The following ANKHD1 variants were observed in gnomAD, a reference collection of about 807,000 sequenced individuals.
ANKHD1 encodes ankyrin repeat and KH domain-containing protein 1.
ANKHD1 carries 31 observed loss-of-function variants against 230.5 expected under a neutral mutation model. The observed-to-expected ratio is 0.13, with a 90% CI of 0.10 to 0.18. The LOEUF is 0.18. ANKHD1 is among the 10% of genes least tolerant of loss of function. The probability of loss-of-function intolerance (pLI) is 1.00; values close to 1 mark genes in which losing one functional copy is unlikely to be tolerated. For synonymous variants in ANKHD1, 1,074 were observed against 1,117.6 expected (o/e 0.96, Z 0.78); for missense variants, 2,256 against 3,071.3 (o/e 0.73, Z 6.27).
Position 140,436,213 on chromosome 5 carries a change from A to T in ANKHD1, c.416A>T (p.Asp139Val). The stretch of plus-strand genomic sequence containing the variant: ...GAAGGAGCAGACTTACGCACTGTGG[A>T]TCCAGAGACACAGGCACGACTAGAA... ...TAEGADLRTVDPETQARLEAL... is the reference protein window; with the variant it reads ...TAEGADLRTVVPETQARLEAL... Residue 139 changes from aspartate (D) to valine (V), a missense_variant, in exon 2 of 34, where the codon GAT becomes GTT. Asp to Val is a radical substitution (Grantham distance 152). Around this residue, in one of 13 missense-constraint regions of ANKHD1, gnomAD observed 206 missense variants for 304.5 expected, o/e 0.68. Coordinates refer to ENST00000360839, the MANE Select transcript of ANKHD1 (RefSeq NM_017747.3). 1 of 1,600,942 alleles carries T rather than the reference A, an allele frequency of 6.2e-7. No homozygotes were observed. The highest frequency in any genetic ancestry group is 8.5e-7 in the Non-Finnish European group (1 of 1,174,812).
chr5:140,443,097 G>C (rs1773989926), intron 5 of ANKHD1, among the ~76,000 whole-genome samples: 1 of 151,646 alleles, frequency 6.6e-6, no homozygotes. Context: ...AGTAGAGACG[G>C]GGTTTCACCG....
At chr5:140,497,756 A>G (rs867886304) in intron 15 of ANKHD1, among the ~76,000 whole-genome samples, 2 of 152,198 alleles carry the variant, frequency 1.3e-5, no homozygotes, top group African/African-American at 4.8e-5. Context: ...AAAACTAAGT[A>G]TTCCATATTA....
rs61689238 is a variant in ANKHD1 at position 140,526,585 on chromosome 5, T to C, written c.4940+142T>C. On this transcript the variant is annotated intron_variant, in intron 26 of 33. Transcript: ENST00000360839. ...ATTATCTATCTTCAATATTCAAAAC[T>C]GAAATTCACCCATGTCCTCTTTATC... The C allele has an allele frequency of 5.8e-3, 6,753 of 1,167,204 alleles. 312 individuals carry two copies. The African/African-American group carries it at 0.094, about 16-fold the overall frequency. 72.3% of individuals were successfully genotyped at this position (1,167,204 alleles called of 1,614,324 possible). A position where few individuals can be genotyped will look rare whatever the true frequency, so the allele number is the denominator to read the frequency against.
intron 10 of ANKHD1, among the ~76,000 whole-genome samples, chr5:140,480,564 A>G (rs1751230012): frequency 6.6e-6 from 1 of 152,110 alleles, no homozygotes; most frequent in Admixed American, 6.5e-5. Flanking sequence ...AAGTAAGGAT[A>G]AGTGACATTA....
chr5:140,412,145 T>A (rs1471105369), intron 1 of ANKHD1, among the ~76,000 whole-genome samples: 1 of 152,174 alleles, frequency 6.6e-6, no homozygotes, highest in Non-Finnish European at 1.5e-5. Flanking sequence ...CAGGCAATTC[T>A]CCTGCCTTAG....
At chr5:140,483,467 T>C (rs1214750771) in intron 11 of ANKHD1, among the ~76,000 whole-genome samples, 1 of 149,442 alleles carries the variant, frequency 6.7e-6, no homozygotes, top group Non-Finnish European at 1.5e-5. Flanking sequence ...TTTTTTTTTT[T>C]TTTTTTTGAG....
chr5:140,420,578 G>T (rs1018844280), intron 1 of ANKHD1, among the ~76,000 whole-genome samples: 1 of 152,082 alleles, frequency 6.6e-6, no homozygotes, highest in African/African-American at 2.4e-5. Context: ...AGCATAATTT[G>T]TTGAAAAGAC....
At chr5:140,441,233 T>C (rs1773824346) in intron 5 of ANKHD1, 91 bp downstream of exon 5, 1 of 1,383,404 alleles carries the variant, frequency 7.2e-7, no homozygotes, top group African/African-American at 1.5e-5. Flanking sequence ...GGAAAACCAG[T>C]ATAAACCTAC....
chr5:140,459,272 A>T lies in ANKHD1; in HGVS notation c.1589A>T (p.Asp530Val). ...GACTTTCTTATTAAGGCAGGGGCTG[A>T]TATAGAACTTGGCTGCTCCACACCT... ...VADFLIKAGA[D>V]IELGCSTPLM... Residue 530 changes from aspartate to valine, a missense_variant, in exon 9 of 34, where the codon GAT becomes GTT. Asp to Val is a radical substitution (Grantham distance 152). This residue lies in a region of ANKHD1 where 179 missense variants were observed against 261.8 expected (regional missense o/e 0.68). Coordinates refer to ENST00000360839, the MANE Select transcript of ANKHD1 (RefSeq NM_017747.3). The T allele has an allele frequency of 6.2e-7, 1 of 1,603,692 alleles. No individual in the cohort carries two copies. The highest frequency in any genetic ancestry group is 8.5e-7 in the Non-Finnish European group (1 of 1,172,676).
intron 26 of ANKHD1, 76 bp from the exon 27 acceptor site, chr5:140,526,852 G>C: frequency 1.3e-6 from 2 of 1,483,998 alleles, no homozygotes. Flanking sequence ...CGTAACTCTG[G>C]CTATAAAGGA....
chr5:140,455,055 A>G (rs1482808639), intron 7 of ANKHD1, among the ~76,000 whole-genome samples: 1 of 152,216 alleles, frequency 6.6e-6, no homozygotes, highest in African/African-American at 2.4e-5. Flanking sequence ...CCACAGAAAT[A>G]CAAACTACCA....
At chr5:140,501,280 A>G (rs921817521) in intron 15 of ANKHD1, among the ~76,000 whole-genome samples, 1 of 151,010 alleles carries the variant, frequency 6.6e-6, no homozygotes, top group Admixed American at 6.6e-5. Context: ...GGGTTTCACT[A>G]TGTTGGCCAG....
At chr5:140,453,832 C>A (rs1356706187) in intron 7 of ANKHD1, among the ~76,000 whole-genome samples, 1 of 152,146 alleles carries the variant, frequency 6.6e-6, no homozygotes, top group East Asian at 1.9e-4. Context: ...CAGCTAACGT[C>A]AAAATGACAG....
chr5:140,493,256 G>A (rs1751886726), intron 14 of ANKHD1, among the ~76,000 whole-genome samples: 1 of 152,090 alleles, frequency 6.6e-6, no homozygotes, highest in African/African-American at 2.4e-5. Flanking sequence ...GAAGAGACGG[G>A]GTTTCTCCAT....
intron 1 of ANKHD1, among the ~76,000 whole-genome samples, chr5:140,416,532 T>C (rs1771408842): frequency 6.6e-6 from 1 of 152,244 alleles, no homozygotes; most frequent in Non-Finnish European, 1.5e-5. Flanking sequence ...TTCTTGACTC[T>C]CTGATCTATT....
At chr5:140,490,439 C>T (rs977338851) in intron 14 of ANKHD1, among the ~76,000 whole-genome samples, 4 of 152,148 alleles carry the variant, frequency 2.6e-5, no homozygotes, top group Admixed American at 6.5e-5. Flanking sequence ...CATAACCTCC[C>T]GATTTAGGCA....
chr5:140,487,580 A>G (rs975742455), intron 14 of ANKHD1, among the ~76,000 whole-genome samples: 7 of 152,230 alleles, frequency 4.6e-5, no homozygotes, highest in African/African-American at 1.7e-4. Flanking sequence ...TGTACAAGTA[A>G]TATCCAAATG....
chr5:140,451,837 C>T (rs1171310256), intron 7 of ANKHD1, among the ~76,000 whole-genome samples: 2 of 152,014 alleles, frequency 1.3e-5, no homozygotes, highest in Non-Finnish European at 2.9e-5. Flanking sequence ...ACTACTAAAC[C>T]TTATTTTTCT....
chr5:140,518,370 C>A (rs200688802), intron 24 of ANKHD1, among the ~76,000 whole-genome samples: 3,945 of 106,874 alleles, frequency 0.037, no homozygotes, highest in South Asian at 0.043. Context: ...CAAGGAGGAG[C>A]TGGTACCATT....
Sources: allele counts gnomAD v4.1 joint callset (sites outside exome capture counted in the v4.1 genomes callset), GRCh38; gene constraint gnomAD v4.1.1; regional missense constraint gnomAD v4.1.1; transcripts MANE v1.5; gene names NCBI Gene and HGNC (gene_info 2026-07-23, HGNC 2026-07-21).